The following RNF180 variants were observed in gnomAD, a reference collection of about 807,000 sequenced individuals.
RNF180 encodes the protein E3 ubiquitin-protein ligase RNF180.
RNF180 carries 38 observed loss-of-function variants against 59.2 expected under a neutral mutation model. The observed-to-expected ratio is 0.64, with a 90% confidence interval of 0.50 to 0.84. RNF180 has a LOEUF of 0.84. Ranked by LOEUF, RNF180 falls within the 40% of genes least tolerant of loss-of-function variation. The pLI is 0.00. For missense variants in RNF180, 705 were observed against 700.9 expected (o/e 1.01, Z -0.07); for synonymous variants, 262 against 240.3 (o/e 1.09, Z -0.84).
chr5:64,350,435 C>G lies in RNF180; in HGVS notation c.1580-19180C>G, dbSNP rs189271269. Among the ~76,000 whole-genome samples the G allele has an allele frequency of 8.6e-3, 1,315 of 152,108 alleles. 14 individuals carry two copies. Among genetic ancestry groups the G allele is most frequent in the African/African-American group, 0.03 (1,240 of 41,534 alleles). On this transcript the variant is annotated intron_variant, in intron 7 of 7. Transcript: ENST00000389100. The stretch of plus-strand genomic sequence containing the variant: ...TAATTAGATCCCATTTGTCAATTTT[C>G]GCTTTTGTTGCCATTGCTTTTGGTG...
intron 5 of RNF180, among the ~76,000 whole-genome samples, chr5:64,284,983 A>T (rs185545436): frequency 2.0e-5 from 3 of 152,046 alleles, no homozygotes; most frequent in South Asian, 4.1e-4. Context: ...TGTCCTTTGT[A>T]TGGGGATTTT....
At chr5:64,352,695 G>A (rs976263409) in intron 7 of RNF180, among the ~76,000 whole-genome samples, 2 of 151,942 alleles carry the variant, frequency 1.3e-5, no homozygotes, top group Non-Finnish European at 2.9e-5. Flanking sequence ...AGAAAGAATA[G>A]ATAAAATGAT....
intron 5 of RNF180, among the ~76,000 whole-genome samples, chr5:64,314,247 A>G (rs1743925673): frequency 6.6e-6 from 1 of 151,862 alleles, no homozygotes; most frequent in Non-Finnish European, 1.5e-5. Context: ...CCTGTACTAA[A>G]TATTTTTTCT....
chr5:64,355,130 G>C (rs891086988), intron 7 of RNF180, among the ~76,000 whole-genome samples: 1 of 151,904 alleles, frequency 6.6e-6, no homozygotes, highest in Non-Finnish European at 1.5e-5. Flanking sequence ...AAAAGAAGTA[G>C]TAAAACTATC....
chr5:64,276,319 GGTGTGTGTGTGT>G (rs375203511), intron 5 of RNF180, among the ~76,000 whole-genome samples: 33 of 138,190 alleles, frequency 2.4e-4, no homozygotes, highest in Admixed American at 1.2e-3. Flanking sequence ...AAAATACATT[GGTGTGTGTGTGT>G]GTGTGTGTGT....
At chr5:64,243,822 A>C (rs1447987304) in intron 5 of RNF180, among the ~76,000 whole-genome samples, 2 of 152,162 alleles carry the variant, frequency 1.3e-5, no homozygotes, top group African/African-American at 2.4e-5. Context: ...GGGTGGACAG[A>C]CACCTCATAC....
intron 5 of RNF180, among the ~76,000 whole-genome samples, chr5:64,281,902 G>A (rs749548738): frequency 2.6e-5 from 4 of 152,044 alleles, no homozygotes; most frequent in Non-Finnish European, 5.9e-5. Context: ...GTGATGAATC[G>A]CATTTATTGA....
At chr5:64,334,299 A>G (rs1442308571) in intron 7 of RNF180, among the ~76,000 whole-genome samples, 1 of 152,198 alleles carries the variant, frequency 6.6e-6, no homozygotes, top group African/African-American at 2.4e-5. Context: ...AGTAGTAACA[A>G]AGGTGCTGGG....
intron 7 of RNF180, among the ~76,000 whole-genome samples, chr5:64,359,045 T>C (rs1746139304): frequency 1.3e-5 from 2 of 150,956 alleles, no homozygotes; most frequent in South Asian, 4.2e-4. Flanking sequence ...TGTTGGACAT[T>C]TGGGTTGGTT....
At chr5:64,167,372 T>C (rs545547834) in intron 1 of RNF180, among the ~76,000 whole-genome samples, 7 of 152,352 alleles carry the variant, frequency 4.6e-5, no homozygotes, top group African/African-American at 1.7e-4. Flanking sequence ...TAGGGTTTGC[T>C]CTTAGTTTTG....
At chr5:64,337,579 A>G (rs1443947448) in intron 7 of RNF180, among the ~76,000 whole-genome samples, 2 of 152,088 alleles carry the variant, frequency 1.3e-5, no homozygotes, top group Non-Finnish European at 2.9e-5. Context: ...ATAAGTATAC[A>G]TGTGCCGTGC....
chr5:64,207,327 C>T (rs1752065847), intron 2 of RNF180, among the ~76,000 whole-genome samples: 1 of 151,966 alleles, frequency 6.6e-6, no homozygotes, highest in Admixed American at 6.6e-5. Context: ...GAGGAAGTGA[C>T]CTGTGTAGAG....
intron 5 of RNF180, among the ~76,000 whole-genome samples, chr5:64,226,982 C>T (rs770563993): frequency 3.9e-5 from 6 of 152,170 alleles, no homozygotes; most frequent in African/African-American, 7.2e-5. Flanking sequence ...TGGAGAAACC[C>T]GGCTGACTCC....
At chr5:64,245,605 A>G (rs1404658229) in intron 5 of RNF180, among the ~76,000 whole-genome samples, 1 of 152,220 alleles carries the variant, frequency 6.6e-6, no homozygotes, top group Non-Finnish European at 1.5e-5. Context: ...GGGAGCACCA[A>G]GATTCATAAA....
intron 2 of RNF180, among the ~76,000 whole-genome samples, chr5:64,209,354 A>G (rs962934089): frequency 2.6e-5 from 4 of 152,062 alleles, no homozygotes; most frequent in African/African-American, 7.2e-5. Flanking sequence ...GATCAATGCT[A>G]TGTGATTAAA....
intron 5 of RNF180, among the ~76,000 whole-genome samples, chr5:64,231,761 T>C (rs992619727): frequency 6.6e-6 from 1 of 152,230 alleles, no homozygotes; most frequent in Non-Finnish European, 1.5e-5. Flanking sequence ...TGCAGTGCTA[T>C]CATCTCACTT....
At chr5:64,322,667 G>A (rs1007404337) in intron 5 of RNF180, among the ~76,000 whole-genome samples, 1 of 149,390 alleles carries the variant, frequency 6.7e-6, no homozygotes, top group Non-Finnish European at 1.5e-5. Flanking sequence ...GCCAATAAAA[G>A]GAATGAAATA....
chr5:64,347,477 C>G lies in RNF180; in HGVS notation c.1579+17071C>G, dbSNP rs192134441. On this transcript the variant is annotated intron_variant, in intron 7 of 7. Coordinates refer to ENST00000389100, the MANE Select transcript of RNF180 (RefSeq NM_001113561.2). ...GGGACTTGAGGAGTATGTTAATGAT[C>G]AGAAGACAAGCTTAAAAGTGTCAGA... 2.0e-5 allele frequency among the ~76,000 whole-genome samples: 3 copies of G among 152,206 alleles called. No homozygotes were observed. The East Asian group carries it at 5.8e-4, about 29-fold the overall frequency.
At chr5:64,357,677 A>G (rs1746083179) in intron 7 of RNF180, among the ~76,000 whole-genome samples, 1 of 151,786 alleles carries the variant, frequency 6.6e-6, no homozygotes, top group African/African-American at 2.4e-5. Flanking sequence ...ACAACCTACC[A>G]AAATTACAAA....
Sources: allele counts gnomAD v4.1 joint callset (sites outside exome capture counted in the v4.1 genomes callset), GRCh38; gene constraint gnomAD v4.1.1; transcripts MANE v1.5; gene names NCBI Gene and HGNC (gene_info 2026-07-23, HGNC 2026-07-21).